Variants in FANK1 observed in about 807,000 individuals in gnomAD.
FANK1 encodes fibronectin type III and ankyrin repeat domains 1, also known as fibronectin type 3 and ankyrin repeat domains protein 1.
Under a neutral mutation model 45.3 loss-of-function variants are expected in FANK1, and 44 were observed. That is an observed-to-expected ratio of 0.97 (90% CI 0.76 to 1.25). The LOEUF (loss-of-function observed/expected upper bound fraction) is 1.25, where lower values mean the gene tolerates loss of function less well. Ranked by LOEUF, FANK1 falls within the 50% of genes most tolerant of loss-of-function variation. The probability of loss-of-function intolerance (pLI) is 0.00; values close to 1 mark genes in which losing one functional copy is unlikely to be tolerated. For synonymous variants in FANK1, 149 were observed against 152.5 expected (o/e 0.98, Z 0.17); for missense variants, 391 against 424.4 (o/e 0.92, Z 0.69).
chr10:125,973,109 A>C (rs1044781752), intron 1 of FANK1: 1 of 152,238 alleles, frequency 6.6e-6, no homozygotes, highest in African/African-American at 2.4e-5. Context: ...ACTGATGGAG[A>C]TCTCTCATTA....
chr10:125,916,862 C>T (rs1251800146), intron 1 of FANK1, among the ~76,000 whole-genome samples: 8 of 152,242 alleles, frequency 5.3e-5, no homozygotes, highest in African/African-American at 1.9e-4. Flanking sequence ...TTCTCTGACG[C>T]AGGTCACAAG....
rs368491708 is a variant in FANK1 at position 125,924,914 on chromosome 10, A to T, written c.13+28259A>T. ...ACTGATGATGAATTTGCCTTATTTT[A>T]TCTTCAAGCTATGGGCTATTTAAAA... On this transcript the variant is annotated intron_variant, in intron 1 of 10. Transcript: ENST00000368693. Among the ~76,000 whole-genome samples, 33 of 143,698 alleles carry T rather than the reference A, an allele frequency of 2.3e-4. No homozygotes were observed. In the South Asian group the frequency reaches 6.8e-3, roughly 29 times the overall value. 94.3% of individuals were successfully genotyped at this position (143,698 alleles called of 152,430 possible). A position where few individuals can be genotyped will look rare whatever the true frequency, so the allele number is the denominator to read the frequency against.
At chr10:125,915,437 T>C (rs1946373006) in intron 1 of FANK1, among the ~76,000 whole-genome samples, 1 of 152,234 alleles carries the variant, frequency 6.6e-6, no homozygotes, top group Non-Finnish European at 1.5e-5. Flanking sequence ...GGCAGGTTGA[T>C]TTGCATGTTT....
At chr10:125,943,698 A>T (rs1024183260) in intron 1 of FANK1, among the ~76,000 whole-genome samples, 2 of 152,228 alleles carry the variant, frequency 1.3e-5, no homozygotes, top group Non-Finnish European at 2.9e-5. Flanking sequence ...GATGTTGTGT[A>T]CTTTGTGCTA....
chr10:125,979,586 C>G (rs1180618036), intron 1 of FANK1, among the ~76,000 whole-genome samples: 1 of 152,200 alleles, frequency 6.6e-6, no homozygotes. Flanking sequence ...CCCATTGTTA[C>G]CAATTTCTGT....
intron 1 of FANK1, among the ~76,000 whole-genome samples, chr10:125,958,946 A>G (rs1222848873): frequency 6.6e-6 from 1 of 152,238 alleles, no homozygotes; most frequent in Admixed American, 6.5e-5. Flanking sequence ...TGCAAACACA[A>G]AGTTGTCTTC....
Position 125,915,769 on chromosome 10 carries a change from A to G in FANK1, c.13+19114A>G, listed in dbSNP as rs1048355677. ...GTGGAGGTTGCTGTGAGCCAGGATC[A>G]TACCCTTGCATTCCAGTCTGGGTGA... On this transcript the variant is annotated intron_variant, in intron 1 of 10. Coordinates refer to ENST00000368693, the MANE Select transcript of FANK1 (RefSeq NM_145235.5). Among the ~76,000 whole-genome samples the G allele has an allele frequency of 3.9e-5, 6 of 152,256 alleles. 1 individual carries two copies. The highest frequency in any genetic ancestry group is 7.3e-5 in the Non-Finnish European group (5 of 68,044).
At chr10:125,980,002 A>G (rs1368905321) in intron 1 of FANK1, among the ~76,000 whole-genome samples, 159 bp from the exon 2 acceptor site, 1 of 152,174 alleles carries the variant, frequency 6.6e-6, no homozygotes, top group East Asian at 1.9e-4. Flanking sequence ...GTATCTCTTT[A>G]GCTTTTCAGG....
At chr10:125,976,670 T>A (rs1950874635) in intron 1 of FANK1, among the ~76,000 whole-genome samples, 1 of 152,090 alleles carries the variant, frequency 6.6e-6, no homozygotes, top group Non-Finnish European at 1.5e-5. Context: ...TCACCCAGGC[T>A]GGAGTGCAGT....
chr10:125,899,802 C>T (rs1218904760), intron 1 of FANK1, among the ~76,000 whole-genome samples: 3 of 152,180 alleles, frequency 2.0e-5, no homozygotes, highest in African/African-American at 7.2e-5. Flanking sequence ...ATTTTAAACC[C>T]TGTTCCTTTT....
At position 125,959,818 on chromosome 10, in the gene FANK1, C is replaced by T. The variant is rs1949807481; in HGVS notation, c.14-20343C>T. On this transcript the variant is annotated intron_variant, in intron 1 of 10. Coordinates refer to ENST00000368693, the MANE Select transcript of FANK1 (RefSeq NM_145235.5). ...TTTTTTAAATAAAATGTTTTCCTTC[C>T]TAAATGTAAACATCCAGTAAATAAA... 2.0e-5 allele frequency among the ~76,000 whole-genome samples: 3 copies of T among 152,094 alleles called. No individual in the cohort carries two copies. In the South Asian group the frequency reaches 6.2e-4, roughly 32 times the overall value.
intron 1 of FANK1, among the ~76,000 whole-genome samples, chr10:125,931,412 G>T (rs1284788526): frequency 1.3e-5 from 2 of 152,116 alleles, no homozygotes; most frequent in African/African-American, 4.8e-5. Context: ...GGCCTTTCTT[G>T]CAGGAGTAAG....
intron 3 of FANK1, chr10:125,994,575 G>T (rs1284005796): frequency 4.1e-6 from 4 of 985,278 alleles, no homozygotes; most frequent in Non-Finnish European, 4.8e-6. Context: ...CTTACGATGT[G>T]TCAGGTGCTA....
At chr10:126,003,122 T>TC (rs1952904532) in intron 6 of FANK1, among the ~76,000 whole-genome samples, 1 of 151,674 alleles carries the variant, frequency 6.6e-6, no homozygotes, top group Non-Finnish European at 1.5e-5. Context: ...TTTTTTTTTT[T>TC]CTCATAGCAG....
chr10:125,918,984 G>A (rs1946717623), intron 1 of FANK1, among the ~76,000 whole-genome samples: 1 of 151,934 alleles, frequency 6.6e-6, no homozygotes, highest in African/African-American at 2.4e-5. Flanking sequence ...AAATCACTAG[G>A]AAAGGGAAGG....
At position 126,004,970 on chromosome 10, in the gene FANK1, G is replaced by A; in HGVS notation, c.626G>A (p.Gly209Glu). The change falls in exon 7 of 11, where the codon GGA becomes GAA. Residue 209 changes from glycine to glutamate, a missense_variant. Coordinates refer to ENST00000368693, the MANE Select transcript of FANK1 (RefSeq NM_145235.5). ...GCTTCTTGGCAGGCTAGAGACCTGG[G>A]AGGCTGTACAGCTCTGCACTGGGCT... ...HGASWQARDL[G>E]GCTALHWAAD... 1 of 1,614,232 alleles carries A rather than the reference G, an allele frequency of 6.2e-7. No homozygotes were observed. The highest frequency in any genetic ancestry group is 8.5e-7 in the Non-Finnish European group (1 of 1,180,036).
chr10:125,989,180 G>T (rs1286887414), intron 3 of FANK1: 2 of 983,156 alleles, frequency 2.0e-6, no homozygotes, highest in Admixed American at 2.1e-5. Context: ...GTGAGGGAGA[G>T]CCCCACATGG....
At chr10:125,935,214 G>C (rs1288943858) in intron 1 of FANK1, among the ~76,000 whole-genome samples, 2 of 152,084 alleles carry the variant, frequency 1.3e-5, no homozygotes, top group African/African-American at 4.8e-5. Context: ...TTTCTTCGTG[G>C]CATCGACAGC....
chr10:125,995,315 C>T (rs1952243379), intron 3 of FANK1, 102 bp from the exon 4 acceptor site: 11 of 1,019,522 alleles, frequency 1.1e-5, no homozygotes, highest in South Asian at 1.1e-4. Context: ...TAGCCAAGCG[C>T]CTTCCTGAAG....
Sources: gnomAD v4.1 joint callset for allele counts (sites outside exome capture counted in the v4.1 genomes callset) on GRCh38, gnomAD v4.1.1 for gene constraint, MANE v1.5 for transcripts, NCBI Gene and HGNC (gene_info 2026-07-23, HGNC 2026-07-21) for gene names.